The following RBFOX1 variants were observed in gnomAD, a reference collection of about 807,000 sequenced individuals.
RBFOX1 encodes the protein RNA binding fox-1 homolog 1, also known as RNA binding protein fox-1 homolog 1.
In RBFOX1, 8 loss-of-function variants were observed where a neutral mutation model predicts 57.7. The ratio of observed to expected loss-of-function variants is 0.14; its 90% CI spans 0.08 to 0.25. The LOEUF (loss-of-function observed/expected upper bound fraction) is 0.25, where lower values mean the gene tolerates loss of function less well. RBFOX1 is among the 10% of genes least tolerant of loss of function. The pLI is 1.00. For synonymous variants in RBFOX1, 326 were observed against 222.4 expected, an observed-to-expected ratio of 1.47 and a Z score of -4.15; for missense variants, 611 against 548.5, an observed-to-expected ratio of 1.11 and a Z score of -1.14.
intron 4 of RBFOX1, among the ~76,000 whole-genome samples, chr16:7,259,345 C>G (rs757543233): frequency 6.6e-6 from 1 of 152,078 alleles, no homozygotes; most frequent in South Asian, 2.1e-4. Flanking sequence ...TTATCTTTAA[C>G]CAAAAGCGAA....
rs76376312 is a variant in RBFOX1, at chr16:7,297,393, C to T, written c.28-220754C>T. On this transcript the variant is annotated intron_variant, in intron 4 of 15. Coordinates refer to ENST00000550418, the MANE Select transcript of RBFOX1 (RefSeq NM_018723.4). The stretch of plus-strand genomic sequence containing the variant: ...AGTCTGTTTCTCAGCAGCCTTGGCA[C>T]CTGAGGAAGGGGTAAGATGAGGATC... 3.0e-4 allele frequency among the ~76,000 whole-genome samples: 45 copies of T among 152,202 alleles called. No individual in the cohort carries two copies. The East Asian group carries it at 8.5e-3, about 29-fold the overall frequency.
chr16:7,220,129 C>G (rs758311965), intron 4 of RBFOX1, among the ~76,000 whole-genome samples: 1 of 152,174 alleles, frequency 6.6e-6, no homozygotes, highest in Non-Finnish European at 1.5e-5. Flanking sequence ...CAACAATTGT[C>G]CTAGCACCCA....
intron 4 of RBFOX1, among the ~76,000 whole-genome samples, chr16:7,277,485 G>A (rs1411240703): frequency 6.6e-6 from 1 of 152,128 alleles, no homozygotes; most frequent in Admixed American, 6.5e-5. Context: ...CCATTTAATT[G>A]GGATGAAGCC....
chr16:5,653,564 C>T (rs377690364), intron 3 of RBFOX1, among the ~76,000 whole-genome samples: 89 of 152,224 alleles, frequency 5.8e-4, no homozygotes, highest in Non-Finnish European at 1.1e-3. Context: ...GAGCCGTATG[C>T]GGGCCTGGGG....
intron 1 of RBFOX1, among the ~76,000 whole-genome samples, chr16:5,454,962 T>TTC (rs1567535985): frequency 1.1e-3 from 48 of 44,010 alleles, no homozygotes; most frequent in South Asian, 1.8e-3. Context: ...TTCCTTCCTT[T>TTC]CTTTCTTTCT....
chr16:5,943,241 T>G (rs1300991643), intron 4 of RBFOX1, among the ~76,000 whole-genome samples: 1 of 152,176 alleles, frequency 6.6e-6, no homozygotes, highest in Non-Finnish European at 1.5e-5. Context: ...AAAAGTGCAG[T>G]TTTCCCAGCC....
chr16:7,256,952 C>T (rs941060208), intron 4 of RBFOX1, among the ~76,000 whole-genome samples: 8 of 152,144 alleles, frequency 5.3e-5, no homozygotes, highest in Non-Finnish European at 1.2e-4. Flanking sequence ...CTTTCTGTTT[C>T]TCCTGTGGCA....
At chr16:5,505,939 A>G (rs779007897) in intron 2 of RBFOX1, among the ~76,000 whole-genome samples, 4 of 152,100 alleles carry the variant, frequency 2.6e-5, no homozygotes, top group Non-Finnish European at 4.4e-5. Context: ...TCTCTCTGCT[A>G]TAGACTTTTT....
In RBFOX1 at chr16:6,589,360, T is replaced by A. The variant is rs550994563; in HGVS notation, c.-63-65243T>A. On this transcript the variant is annotated intron_variant, in intron 2 of 15. Coordinates refer to ENST00000550418, the MANE Select transcript of RBFOX1 (RefSeq NM_018723.4). ...AGCGTGTTGTTATTACTCAAATTAGTCTCCCTGAAAACCCAGGAACTGGGG... is the reference window on the plus strand; with the variant it reads ...AGCGTGTTGTTATTACTCAAATTAGACTCCCTGAAAACCCAGGAACTGGGG... Among the ~76,000 whole-genome samples the A allele has an allele frequency of 8.5e-5, 13 of 152,248 alleles. 1 individual carries two copies. The South Asian group carries it at 2.7e-3, about 32-fold the overall frequency.
At chr16:6,066,293 C>CAAAAAAAAAAAAAAAAAAAAAAAAA (rs372412356) in intron 1 of RBFOX1, among the ~76,000 whole-genome samples, 1 of 50,384 alleles carries the variant, frequency 2.0e-5, no homozygotes, top group Non-Finnish European at 2.9e-5. Flanking sequence ...GACTCTGTCT[C>CAAAAAAAAAAAAAAAAAAAAAAAAA]AAAAAAAAAA....
intron 3 of RBFOX1, among the ~76,000 whole-genome samples, chr16:5,622,362 C>T (rs113741276): frequency 1.5e-4 from 23 of 152,158 alleles, no homozygotes; most frequent in Admixed American, 1.2e-3. Flanking sequence ...TCTTTTCCAC[C>T]AGAATGTAGG....
Position 5,351,708 on chromosome 16 carries a change from C to A in RBFOX1, c.219+111603C>A, listed in dbSNP as rs182267205. Among the ~76,000 whole-genome samples the A allele has an allele frequency of 6.7e-3, 1,016 of 152,242 alleles. 5 individuals carry two copies. Among genetic ancestry groups the A allele is most frequent in the African/African-American group, 0.023 (970 of 41,522 alleles). The stretch of plus-strand genomic sequence containing the variant: ...GGTCAAGGGAGGAATTCAGGTTGGA[C>A]CCTTGATATCGCTTAGCCCGAGAAC... On this transcript the variant is annotated intron_variant, in intron 1 of 2. Transcript: ENST00000585867.
rs893934343 is a variant in RBFOX1 at position 5,439,598 on chromosome 16, C to G, written c.220-27618C>G. On this transcript the variant is annotated intron_variant, in intron 1 of 2. Transcript: ENST00000585867. The stretch of plus-strand genomic sequence containing the variant: ...ATGAGAAGGCAGAGAAAGGACGTCT[C>G]TGAGATTTTTGGTTTGAGCGATTGT... 2.0e-5 allele frequency among the ~76,000 whole-genome samples: 3 copies of G among 152,064 alleles called. No individual in the cohort carries two copies. In the Middle Eastern group the frequency reaches 0.01, roughly 517 times the overall value.
chr16:6,863,753 AC>A (rs2059427991), intron 3 of RBFOX1, among the ~76,000 whole-genome samples: 1 of 40,228 alleles, frequency 2.5e-5, no homozygotes, highest in African/African-American at 1.2e-4. Flanking sequence ...TTTTTTTTTT[AC>A]CAAAACCAAA....
intron 4 of RBFOX1, among the ~76,000 whole-genome samples, chr16:5,953,101 G>T (rs1366144131): frequency 1.7e-4 from 22 of 129,858 alleles, no homozygotes; most frequent in Non-Finnish European, 2.1e-4. Flanking sequence ...TAGATTCTGT[G>T]TCAATTGGTT....
At chr16:6,140,878 A>C (rs2096710471) in intron 1 of RBFOX1, among the ~76,000 whole-genome samples, 1 of 152,116 alleles carries the variant, frequency 6.6e-6, no homozygotes, top group African/African-American at 2.4e-5. Context: ...CTACCCTTTT[A>C]ATCTGAGTGC....
intron 3 of RBFOX1, among the ~76,000 whole-genome samples, chr16:6,667,821 C>G (rs1475990757): frequency 1.3e-5 from 2 of 151,830 alleles, no homozygotes; most frequent in Admixed American, 6.6e-5. Flanking sequence ...CCCAGGAGTT[C>G]GAGGCTGCAG....
At chr16:7,367,638 T>C (rs2097481388) in intron 4 of RBFOX1, among the ~76,000 whole-genome samples, 1 of 152,166 alleles carries the variant, frequency 6.6e-6, no homozygotes, top group Admixed American at 6.5e-5. Context: ...TATATGTGCA[T>C]CAGTCAGTTC....
chr16:7,566,824 A>G (rs1047307593), intron 5 of RBFOX1, among the ~76,000 whole-genome samples: 10 of 152,124 alleles, frequency 6.6e-5, no homozygotes, highest in African/African-American at 2.2e-4. Flanking sequence ...GTGTCTATGT[A>G]TCCTCCAGGG....
Sources: allele counts gnomAD v4.1 joint callset (sites outside exome capture counted in the v4.1 genomes callset), GRCh38; gene constraint gnomAD v4.1.1; transcripts MANE v1.5; gene names NCBI Gene and HGNC (gene_info 2026-07-23, HGNC 2026-07-21).